UNC13B: variants seen among roughly 807,000 people sequenced by gnomAD.
The protein encoded by UNC13B is unc-13 homolog B, also known as protein unc-13 homolog B.
UNC13B carries 144 observed loss-of-function variants against 211.0 expected under a neutral mutation model. The observed-to-expected ratio is 0.68, with a 90% CI of 0.60 to 0.78. UNC13B has a LOEUF of 0.78. Among genes scored for constraint, UNC13B ranks in the 30% least tolerant of loss-of-function variants. The pLI, the probability that UNC13B is intolerant of heterozygous loss-of-function variation, is 0.00. For missense variants in UNC13B, 1,777 were observed against 2,002.0 expected (o/e 0.89, Z 2.14); for synonymous variants, 709 against 725.8 (o/e 0.98, Z 0.37).
intron 1 of UNC13B, among the ~76,000 whole-genome samples, chr9:35,183,356 G>C (rs1822091615): frequency 6.9e-6 from 1 of 145,112 alleles, no homozygotes; most frequent in Non-Finnish European, 1.5e-5. Flanking sequence ...CCCAGGCGGG[G>C]CGGCCGGGCA....
intron 31 of UNC13B, 116 bp from the exon 32 acceptor site, chr9:35,398,438 C>A: frequency 7.4e-7 from 1 of 1,349,100 alleles, no homozygotes; most frequent in Non-Finnish European, 1.0e-6. Flanking sequence ...TCGGGTAAGG[C>A]CCTGCGAGGG....
At chr9:35,386,410 G>C in intron 24 of UNC13B, 117 bp downstream of exon 24, 1 of 1,405,224 alleles carries the variant, frequency 7.1e-7, no homozygotes, top group Non-Finnish European at 9.6e-7. Flanking sequence ...TCTCAAGGGT[G>C]AGTGAGTTGT....
chr9:35,307,908 G>C lies in UNC13B; in HGVS notation c.8504G>C (p.Gly2835Ala). The C allele has an allele frequency of 2.5e-6, 1 of 398,968 alleles. No homozygotes were observed. Among genetic ancestry groups the C allele is most frequent in the Non-Finnish European group, 4.4e-6 (1 of 226,080 alleles). The allele number at this position is 398,968 out of a possible 1,614,324, so 24.7% of individuals were successfully genotyped here. ...GSVLASDSKL[G>A]FGKVDLSFPW... Reference sequence around the variant, plus strand: ...GTATTAGCAAGTGATTCAAAACTAGGATTTGGAAAGGTAGATCTTTCATTT... The same window carrying C: ...GTATTAGCAAGTGATTCAAAACTAGCATTTGGAAAGGTAGATCTTTCATTT... Residue 2835 changes from glycine to alanine, a missense_variant, in exon 9 of 40, where the codon GGA becomes GCA. Transcript: ENST00000635942.
intron 6 of UNC13B, among the ~76,000 whole-genome samples, chr9:35,256,404 C>G (rs981993549): frequency 1.3e-5 from 2 of 152,066 alleles, no homozygotes; most frequent in East Asian, 3.9e-4. Flanking sequence ...GAGTGGAGAG[C>G]CTTGTCTGTC....
At chr9:35,177,952 A>G (rs1821728082) in intron 1 of UNC13B, among the ~76,000 whole-genome samples, 1 of 152,238 alleles carries the variant, frequency 6.6e-6, no homozygotes, top group Non-Finnish European at 1.5e-5. Context: ...AAGCATAGAA[A>G]GAAAGAATAA....
At chr9:35,363,409 G>T (rs906974599) in intron 11 of UNC13B, among the ~76,000 whole-genome samples, 1 of 152,178 alleles carries the variant, frequency 6.6e-6, no homozygotes, top group Non-Finnish European at 1.5e-5. Flanking sequence ...TCCTGGGGGG[G>T]TTGAGATGTA....
At chr9:35,189,615 T>C (rs1822543183) in intron 1 of UNC13B, among the ~76,000 whole-genome samples, 1 of 152,180 alleles carries the variant, frequency 6.6e-6, no homozygotes, top group African/African-American at 2.4e-5. Context: ...ACAACACACA[T>C]ATAGCAACAC....
chr9:35,220,816 T>A (rs540472237), intron 1 of UNC13B, among the ~76,000 whole-genome samples: 1 of 152,336 alleles, frequency 6.6e-6, no homozygotes, highest in African/African-American at 2.4e-5. Context: ...CTATTTTTAG[T>A]CTTTTGAGAA....
chr9:35,385,511 G>A (rs1010848577), intron 22 of UNC13B: 2 of 985,280 alleles, frequency 2.0e-6, no homozygotes, highest in African/African-American at 3.5e-5. Context: ...ACTTTCTAGG[G>A]TGGGGAGTAT....
Position 35,307,545 on chromosome 9 carries a change from A to G in UNC13B, c.8141A>G (p.Gln2714Arg). The G allele has an allele frequency of 5.0e-6, 2 of 399,094 alleles. No homozygotes were observed. The highest frequency in any genetic ancestry group is 8.8e-6 in the Non-Finnish European group (2 of 226,078). 24.7% of individuals were successfully genotyped at this position (399,094 alleles called of 1,614,324 possible). A position where few individuals can be genotyped will look rare whatever the true frequency, so the allele number is the denominator to read the frequency against. ...CTGTTCAATGATGCAAGTGTGAGCC[A>G]GAGCACCACTCTGGAAACCGAAGGG... ...TMLFNDASVS[Q>R]STTLETEGHF... The change falls in exon 9 of 40, where the codon CAG (glutamine) becomes CGG (arginine). Residue 2714 changes from glutamine (Q) to arginine (R), a missense_variant. By Grantham distance (43) the Gln-to-Arg change is conservative. Transcript: ENST00000635942.
intron 1 of UNC13B, among the ~76,000 whole-genome samples, chr9:35,174,584 G>T (rs1821517213): frequency 6.7e-6 from 1 of 148,520 alleles, no homozygotes; most frequent in South Asian, 2.1e-4. Flanking sequence ...GTCTCACTCT[G>T]TTGCCCAGGC....
chr9:35,248,094 T>A (rs1230188258), intron 6 of UNC13B, among the ~76,000 whole-genome samples: 1 of 152,236 alleles, frequency 6.6e-6, no homozygotes, highest in Non-Finnish European at 1.5e-5. Context: ...ATGGTGTATG[T>A]GTCGAGGAAT....
Position 35,265,498 on chromosome 9 carries a change from G to A in UNC13B, c.526+6448G>A, listed in dbSNP as rs963252284. 2.6e-5 allele frequency among the ~76,000 whole-genome samples: 4 copies of A among 152,162 alleles called. No homozygotes were observed. The South Asian group carries it at 8.3e-4, about 32-fold the overall frequency. ...TAAGCTCCCCAGCCTATGGTATTTTGTTATGGCAGCCTGAGCAGATGTATA... is the reference window on the plus strand; with the variant it reads ...TAAGCTCCCCAGCCTATGGTATTTTATTATGGCAGCCTGAGCAGATGTATA... On this transcript the variant is annotated intron_variant, in intron 7 of 39. Transcript: ENST00000635942.
At chr9:35,382,232 A>G (rs759564053) in intron 20 of UNC13B, 125 bp from the exon 21 acceptor site, 3 of 1,305,342 alleles carry the variant, frequency 2.3e-6, no homozygotes, top group Non-Finnish European at 3.2e-6. Flanking sequence ...AAGTAGCCCT[A>G]GGCAAGAGAG....
intron 7 of UNC13B, among the ~76,000 whole-genome samples, chr9:35,262,390 G>A (rs1827332090): frequency 6.6e-6 from 1 of 151,738 alleles, no homozygotes; most frequent in African/African-American, 2.4e-5. Context: ...GATCTTGGCT[G>A]GCTGTAAGCT....
At chr9:35,209,620 C>T (rs1377376020) in intron 1 of UNC13B, among the ~76,000 whole-genome samples, 2 of 151,904 alleles carry the variant, frequency 1.3e-5, no homozygotes, top group African/African-American at 2.4e-5. Context: ...TCAAGTGATC[C>T]GCCCACCTCG....
At chr9:35,350,663 T>C (rs1247895622) in intron 11 of UNC13B, among the ~76,000 whole-genome samples, 2 of 152,234 alleles carry the variant, frequency 1.3e-5, no homozygotes, top group African/African-American at 2.4e-5. Context: ...GTCTGGACAG[T>C]GTGTGCGTAC....
intron 11 of UNC13B, among the ~76,000 whole-genome samples, chr9:35,319,939 G>A (rs1052396295): frequency 2.6e-5 from 4 of 152,176 alleles, no homozygotes; most frequent in Non-Finnish European, 5.9e-5. Context: ...GGGATTACAG[G>A]CATGATTATA....
chr9:35,205,880 G>T (rs759963696), intron 1 of UNC13B, among the ~76,000 whole-genome samples: 19 of 148,378 alleles, frequency 1.3e-4, no homozygotes, highest in Non-Finnish European at 1.8e-4. Flanking sequence ...ATTTTGTGTG[G>T]ATTTTTTAAA....
Sources: allele counts gnomAD v4.1 joint callset (sites outside exome capture counted in the v4.1 genomes callset), GRCh38; gene constraint gnomAD v4.1.1; transcripts MANE v1.5; gene names NCBI Gene and HGNC (gene_info 2026-07-23, HGNC 2026-07-21).